DAW1: variants seen among roughly 807,000 people sequenced by gnomAD.
DAW1 encodes the protein dynein assembly factor with WD repeats 1.
DAW1 carries 47 observed loss-of-function variants against 56.5 expected under a neutral mutation model. The observed-to-expected ratio is 0.83, with a 90% confidence interval of 0.66 to 1.06. The LOEUF (loss-of-function observed/expected upper bound fraction) is 1.06, where lower values mean the gene tolerates loss of function less well. DAW1 is among the 50% of genes least tolerant of loss of function. DAW1 has a pLI of 0.00. For missense variants in DAW1, 505 were observed against 499.3 expected (o/e 1.01, Z -0.11); for synonymous variants, 190 against 179.0 (o/e 1.06, Z -0.49).
At chr2:227,912,233 C>T (rs573829784) in intron 10 of DAW1, 1 of 454,470 alleles carries the variant, frequency 2.2e-6, no homozygotes, top group Non-Finnish European at 4.1e-6. Context: ...CCTTCTTTCT[C>T]TTTTTCTTTT....
chr2:227,904,817 C>G (rs1691641506), intron 7 of DAW1, 112 bp from the exon 8 acceptor site: 1 of 982,600 alleles, frequency 1.0e-6, no homozygotes. Context: ...CCGCTGACCT[C>G]CGTTCCTAGA....
Position 227,891,284 on chromosome 2 carries a change from T to A in DAW1, c.288T>A (p.Thr96=), listed in dbSNP as rs1278789670. 1.9e-6 allele frequency: 3 copies of A among 1,613,572 alleles called. No homozygotes were observed. Among genetic ancestry groups the A allele is most frequent in the Non-Finnish European group, 2.5e-6 (3 of 1,179,794 alleles). ...KVLKAHILPL[T]NVALNKSGSC... is the part of the protein sequence containing the mutation. ...TCAAAGCACATATATTGCCACTGAC[T>A]AATGTTGCACTTAACAAATCGGGCT... The change falls in exon 4 of 13, where the codon ACT becomes ACA. Residue 96 remains threonine (T), a synonymous_variant. Coordinates refer to ENST00000309931, the MANE Select transcript of DAW1 (RefSeq NM_178821.3).
In DAW1 at chr2:227,924,175, G is replaced by A. The variant is rs1298856909; in HGVS notation, c.*207G>A. 6.1e-5 allele frequency: 37 copies of A among 609,686 alleles called. No homozygotes were observed. The highest frequency in any genetic ancestry group is 2.1e-4 in the Admixed American group (7 of 34,118). 37.8% of individuals were successfully genotyped at this position (609,686 alleles called of 1,614,324 possible). ...ATATTATTATTTGATGGCGATGGCA[G>A]GACACAGCATAATGTTTGGCTAATG... On this transcript the variant is annotated 3_prime_UTR_variant, in exon 13 of 13. Transcript: ENST00000309931.
intron 10 of DAW1, among the ~76,000 whole-genome samples, chr2:227,915,768 G>A (rs1227733612): frequency 1.3e-5 from 2 of 152,084 alleles, no homozygotes; most frequent in South Asian, 2.1e-4. Context: ...AGCCATATGT[G>A]ATGCTATCTT....
At chr2:227,920,264 C>A (rs1692072699) in intron 11 of DAW1, among the ~76,000 whole-genome samples, 1 of 152,114 alleles carries the variant, frequency 6.6e-6, no homozygotes, top group African/African-American at 2.4e-5. Flanking sequence ...CTATGGGGTG[C>A]AAAGCTAAAG....
chr2:227,882,319 G>A (rs1267648571), intron 1 of DAW1, among the ~76,000 whole-genome samples: 1 of 152,136 alleles, frequency 6.6e-6, no homozygotes, highest in Non-Finnish European at 1.5e-5. Context: ...GTCACTAATG[G>A]TGCAGAAGCA....
intron 5 of DAW1, among the ~76,000 whole-genome samples, chr2:227,896,283 T>C (rs980476522): frequency 2.0e-5 from 3 of 152,220 alleles, no homozygotes; most frequent in African/African-American, 7.2e-5. Context: ...ATTCCTACTT[T>C]CACTGCAATG....
intron 1 of DAW1, among the ~76,000 whole-genome samples, chr2:227,874,168 A>C: frequency 6.6e-6 from 1 of 151,916 alleles, no homozygotes; most frequent in South Asian, 2.1e-4. Context: ...TTTGTTGTGG[A>C]GTGTAGGTTA....
intron 1 of DAW1, among the ~76,000 whole-genome samples, chr2:227,875,869 G>T (rs1690868447): frequency 6.6e-6 from 1 of 152,164 alleles, no homozygotes; most frequent in African/African-American, 2.4e-5. Context: ...GGAGAGCCTG[G>T]TGCATAAAAT....
chr2:227,898,317 A>T (rs747094867), intron 6 of DAW1, 36 bp downstream of exon 6: 39 of 933,714 alleles, frequency 4.2e-5, no homozygotes, highest in Non-Finnish European at 5.3e-5. Flanking sequence ...TATTTTATGT[A>T]TATATATATA....
At chr2:227,891,425 T>A in intron 4 of DAW1, 112 bp downstream of exon 4, 1 of 903,318 alleles carries the variant, frequency 1.1e-6, no homozygotes, top group Non-Finnish European at 1.8e-6. Flanking sequence ...CTGATTTCAG[T>A]ACTCCCTTGG....
intron 1 of DAW1, among the ~76,000 whole-genome samples, chr2:227,875,949 C>T (rs1034088728): frequency 4.0e-5 from 6 of 151,748 alleles, no homozygotes; most frequent in Admixed American, 2.6e-4. Context: ...GCCTCAAACT[C>T]TTCCTGAAGT....
intron 10 of DAW1, among the ~76,000 whole-genome samples, chr2:227,914,504 G>A (rs908315631): frequency 6.6e-6 from 1 of 151,918 alleles, no homozygotes; most frequent in African/African-American, 2.4e-5. Flanking sequence ...ATCCATATGT[G>A]ATGCCACTCT....
chr2:227,875,602 G>A (rs1463511416), intron 1 of DAW1, among the ~76,000 whole-genome samples: 2 of 152,150 alleles, frequency 1.3e-5, no homozygotes, highest in African/African-American at 4.8e-5. Flanking sequence ...TATCACTAGT[G>A]CCCCATATTT....
chr2:227,903,334 T>G (rs1691595298), intron 7 of DAW1, among the ~76,000 whole-genome samples: 1 of 152,082 alleles, frequency 6.6e-6, no homozygotes, highest in Non-Finnish European at 1.5e-5. Flanking sequence ...GCAAAACACA[T>G]AAACTATATC....
chr2:227,917,971 A>T lies in DAW1; in HGVS notation c.974-809A>T, dbSNP rs150069983. The stretch of plus-strand genomic sequence containing the variant: ...TATGTAATGCTATAATCAGAGATTT[A>T]AAAAAGCAGTCTTCATCTGGCAAGG... On this transcript the variant is annotated intron_variant, in intron 10 of 12. Transcript: ENST00000309931. Among the ~76,000 whole-genome samples the T allele has an allele frequency of 1.8e-3, 279 of 152,328 alleles. 1 individual carries two copies. Among genetic ancestry groups the T allele is most frequent in the African/African-American group, 5.6e-3 (233 of 41,580 alleles).
chr2:227,884,317 A>G (rs942627483), intron 1 of DAW1, among the ~76,000 whole-genome samples: 1 of 152,180 alleles, frequency 6.6e-6, no homozygotes, highest in Admixed American at 6.5e-5. Flanking sequence ...AGATGATTCC[A>G]ACCTCTGATT....
intron 10 of DAW1, among the ~76,000 whole-genome samples, chr2:227,913,823 T>C (rs17251074): frequency 0.22 from 33,811 of 151,790 alleles, 3,904 homozygotes; most frequent in Non-Finnish European, 0.26. Flanking sequence ...CTGATCATCA[T>C]GTATGACATT....
At position 227,924,100 on chromosome 2, in the gene DAW1, C is replaced by T. The variant is rs1692171213; in HGVS notation, c.*132C>T. 2 of 1,050,122 alleles carry T rather than the reference C, an allele frequency of 1.9e-6. No homozygotes were observed. The highest frequency in any genetic ancestry group is 5.2e-5 in the East Asian group (2 of 38,552). 65.1% of individuals were successfully genotyped at this position (1,050,122 alleles called of 1,614,324 possible). On this transcript the variant is annotated 3_prime_UTR_variant, in exon 13 of 13. Transcript: ENST00000309931. The stretch of plus-strand genomic sequence containing the variant: ...CAAGTCAACTATTTCTACAACTGTC[C>T]TTCATTTCACAGATATGACCATTAA...
Sources: gnomAD v4.1 joint callset for allele counts (sites outside exome capture counted in the v4.1 genomes callset) on GRCh38, gnomAD v4.1.1 for gene constraint, MANE v1.5 for transcripts, NCBI Gene and HGNC (gene_info 2026-07-23, HGNC 2026-07-21) for gene names.